CRACR2A: variants seen among roughly 807,000 people sequenced by gnomAD.
CRACR2A encodes the protein calcium release activated channel regulator 2A.
In CRACR2A, 79 loss-of-function variants were observed where a neutral mutation model predicts 90.5. That is an observed-to-expected ratio of 0.87 (90% confidence interval 0.73 to 1.05). The LOEUF is 1.05. Ranked by LOEUF, CRACR2A falls within the 50% of genes least tolerant of loss-of-function variation. CRACR2A has a pLI of 0.00. For synonymous variants in CRACR2A, 338 were observed against 356.7 expected (o/e 0.95, Z 0.59); for missense variants, 823 against 897.2 (o/e 0.92, Z 1.06).
intron 14 of CRACR2A, 25 bp downstream of exon 14, chr12:3,638,099 G>T: frequency 6.6e-7 from 1 of 1,514,442 alleles, no homozygotes; most frequent in Non-Finnish European, 8.9e-7. Context: ...TGATGTGCAT[G>T]AACCAAGGTA....
intron 10 of CRACR2A, among the ~76,000 whole-genome samples, chr12:3,653,395 A>C (rs752096455): frequency 1.3e-5 from 2 of 152,236 alleles, no homozygotes; most frequent in Admixed American, 6.5e-5. Context: ...TGAATAAGTC[A>C]TTGACTATAT....
intron 18 of CRACR2A, among the ~76,000 whole-genome samples, chr12:3,618,745 C>T (rs1261588821): frequency 6.6e-6 from 1 of 152,138 alleles, no homozygotes; most frequent in Non-Finnish European, 1.5e-5. Context: ...TCCATTAAGC[C>T]CCATTGATTC....
chr12:3,627,466 C>A lies in CRACR2A; in HGVS notation c.1902G>T (p.Leu634=). Reference sequence around the variant, plus strand: ...CGCTGCTCAGCCACCGCCGGACCGACAGGAACGACTGCTTGTCTGTGAGAT... The same window carrying A: ...CGCTGCTCAGCCACCGCCGGACCGAAAGGAACGACTGCTTGTCTGTGAGAT... ...MYDLTDKQSF[L]SVRRWLSSVE... Residue 634 remains leucine (L), a synonymous_variant, in exon 17 of 20, where the codon CTG becomes CTT. Coordinates refer to ENST00000440314, the MANE Select transcript of CRACR2A (RefSeq NM_001144958.2). The A allele has an allele frequency of 5.8e-6, 9 of 1,552,054 alleles. No homozygotes were observed. Among genetic ancestry groups the A allele is most frequent in the Non-Finnish European group, 7.8e-6 (9 of 1,147,092 alleles).
rs148284139 is a variant in CRACR2A, at chr12:3,629,121, G to A, written c.1736-1415C>T. The stretch of plus-strand genomic sequence containing the variant: ...GAGTCCCACTGTGACATCCATGTGA[G>A]TTATCTGCACACACATGCACACATA... On this transcript the variant is annotated intron_variant, in intron 15 of 19. Transcript: ENST00000440314. Among the ~76,000 whole-genome samples, 1,335 of 152,276 alleles carry A rather than the reference G, an allele frequency of 8.8e-3. 23 individuals are homozygous for A. The highest frequency in any genetic ancestry group is 0.03 in the African/African-American group (1,248 of 41,534).
At chr12:3,648,119 C>A (rs1242822350) in intron 11 of CRACR2A, 12 of 1,013,660 alleles carry the variant, frequency 1.2e-5, no homozygotes, top group African/African-American at 1.7e-5. Context: ...TAAATTACTT[C>A]TTTCCTCTAA....
intron 14 of CRACR2A, among the ~76,000 whole-genome samples, chr12:3,637,873 A>C (rs1944485210): frequency 6.6e-6 from 1 of 152,212 alleles, no homozygotes; most frequent in Non-Finnish European, 1.5e-5. Flanking sequence ...TCAAATGTTC[A>C]GTTTCCTTAG....
At chr12:3,668,043 T>C (rs1945178579) in intron 7 of CRACR2A, among the ~76,000 whole-genome samples, 1 of 152,248 alleles carries the variant, frequency 6.6e-6, no homozygotes, top group Non-Finnish European at 1.5e-5. Context: ...AAACCATTTT[T>C]TATTAGTCAG....
chr12:3,747,874 G>C (rs1474303803), intron 1 of CRACR2A, among the ~76,000 whole-genome samples: 2 of 151,976 alleles, frequency 1.3e-5, no homozygotes, highest in Non-Finnish European at 2.9e-5. Flanking sequence ...AGCTCCACAG[G>C]CTCAGGGGTG....
chr12:3,641,668 G>C (rs763251238), intron 13 of CRACR2A, 64 bp downstream of exon 13: 1 of 1,440,204 alleles, frequency 6.9e-7, no homozygotes, highest in Non-Finnish European at 9.5e-7. Context: ...CTGAGTATGG[G>C]CCCAGAGCCA....
At chr12:3,641,969 T>C in intron 12 of CRACR2A, 131 bp from the exon 13 acceptor site, 1 of 763,446 alleles carries the variant, frequency 1.3e-6, no homozygotes, top group East Asian at 2.7e-5. Flanking sequence ...AGTGTTCTGG[T>C]CTCCCTGTTA....
chr12:3,638,330 G>T lies in CRACR2A; in HGVS notation c.1396C>A (p.Arg466=). 2 of 1,551,072 alleles carry T rather than the reference G, an allele frequency of 1.3e-6. No homozygotes were observed. The highest frequency in any genetic ancestry group is 2.0e-5 in the Admixed American group (1 of 50,986). ...ACGGAGATGATTCTGCGGAGCGGCCGGGGGTACGGACCCCCAGGCCCTGGC... is the reference window on the plus strand; with the variant it reads ...ACGGAGATGATTCTGCGGAGCGGCCTGGGGTACGGACCCCCAGGCCCTGGC... The part of the protein sequence containing the change: ...GEPGPGGPYP[R]PLRRIISVEE... The change falls in exon 14 of 20, where the codon CGG becomes AGG. Residue 466 remains arginine, a synonymous_variant. Coordinates refer to ENST00000440314, the MANE Select transcript of CRACR2A (RefSeq NM_001144958.2).
intron 3 of CRACR2A, among the ~76,000 whole-genome samples, chr12:3,707,184 AGT>A (rs1168306459): frequency 6.6e-6 from 1 of 152,066 alleles, no homozygotes; most frequent in Non-Finnish European, 1.5e-5. Flanking sequence ...TGAAATGCGC[AGT>A]CTTTCCACTC....
Position 3,633,415 on chromosome 12 carries a change from C to T in CRACR2A, c.1735+189G>A, listed in dbSNP as rs764826016. On this transcript the variant is annotated intron_variant, in intron 15 of 19. Transcript: ENST00000440314. The surrounding 1 kb of genome is among the most constrained non-coding windows in gnomAD (Gnocchi z 4.5). ...ACAGGATGAGCTTAGCAGCTAGCAG[C>T]GTGAGGGGAGGTGGCTTCATCTTGC... is the stretch of plus-strand genomic sequence containing the variant. Among the ~76,000 whole-genome samples, 1 of 152,136 alleles carries T rather than the reference C, an allele frequency of 6.6e-6. No individual in the cohort carries two copies. The highest frequency in any genetic ancestry group is 2.4e-5 in the African/African-American group (1 of 41,420).
chr12:3,656,495 C>A, intron 8 of CRACR2A, 89 bp from the exon 9 acceptor site: 1 of 1,094,580 alleles, frequency 9.1e-7, no homozygotes, highest in East Asian at 2.4e-5. Flanking sequence ...ACCTACTCAA[C>A]ATCAGGGCCC....
intron 15 of CRACR2A, among the ~76,000 whole-genome samples, chr12:3,631,497 G>A (rs969714385): frequency 6.6e-6 from 1 of 152,126 alleles, no homozygotes; most frequent in African/African-American, 2.4e-5. Context: ...ATGCCCTCCG[G>A]GAGGGCAAGT....
chr12:3,616,195 C>T (rs1462447012), intron 19 of CRACR2A, among the ~76,000 whole-genome samples: 1 of 152,184 alleles, frequency 6.6e-6, no homozygotes, highest in African/African-American at 2.4e-5. Context: ...CCTATAACCT[C>T]GCCAATGCAT....
chr12:3,667,322 T>C (rs1945167523), intron 7 of CRACR2A, among the ~76,000 whole-genome samples: 1 of 152,152 alleles, frequency 6.6e-6, no homozygotes, highest in Non-Finnish European at 1.5e-5. Context: ...GGTTGTAAAA[T>C]AGATAACTCC....
Position 3,644,494 on chromosome 12 carries a change from CG to C in CRACR2A, c.1164+100del, listed in dbSNP as rs1232142889. Reference sequence around the variant, plus strand: ...TGCCGTCATCCTGCCAAATAGATCCCGAGTGTCAGGACATTGCTGGGCCAGT... The same window carrying C: ...TGCCGTCATCCTGCCAAATAGATCCCAGTGTCAGGACATTGCTGGGCCAGT... On this transcript the variant is annotated intron_variant, in intron 12 of 19. Coordinates refer to ENST00000440314, the MANE Select transcript of CRACR2A (RefSeq NM_001144958.2). 1.1e-5 allele frequency: 13 copies of C among 1,225,234 alleles called. No individual in the cohort carries two copies. The Admixed American group carries it at 2.2e-4, about 21-fold the overall frequency. The allele number at this position is 1,225,234 out of a possible 1,614,324, so 75.9% of individuals were successfully genotyped here.
chr12:3,644,753 G>A, intron 11 of CRACR2A, 113 bp from the exon 12 acceptor site: 2 of 935,488 alleles, frequency 2.1e-6, no homozygotes, highest in Admixed American at 2.0e-5. Context: ...ATGGAAGACA[G>A]GGGAGTCTGT....
Sources: gnomAD v4.1 joint callset for allele counts (sites outside exome capture counted in the v4.1 genomes callset) on GRCh38, gnomAD v4.1.1 for gene constraint, Gnocchi (gnomAD v3.1) non-coding constraint, MANE v1.5 for transcripts, NCBI Gene and HGNC (gene_info 2026-07-23, HGNC 2026-07-21) for gene names.